The following HS6ST3 variants were observed in gnomAD, a reference collection of about 807,000 sequenced individuals.
HS6ST3 encodes heparan-sulfate 6-O-sulfotransferase 3.
Under a neutral mutation model 36.7 loss-of-function variants are expected in HS6ST3, and 12 were observed. That is an observed-to-expected ratio of 0.33 (90% CI 0.21 to 0.53). HS6ST3 has a LOEUF of 0.53. Ranked by LOEUF, HS6ST3 falls within the 20% of genes least tolerant of loss-of-function variation. The pLI, the probability that HS6ST3 is intolerant of heterozygous loss-of-function variation, is 0.95. For missense variants in HS6ST3, 584 were observed against 640.9 expected, an observed-to-expected ratio of 0.91 and a Z score of 0.96; for synonymous variants, 240 against 257.5, an observed-to-expected ratio of 0.93 and a Z score of 0.65.
intron 1 of HS6ST3, among the ~76,000 whole-genome samples, chr13:96,819,155 G>C (rs1344723308): frequency 6.6e-6 from 1 of 152,146 alleles, no homozygotes; most frequent in African/African-American, 2.4e-5. Flanking sequence ...TAGTTGATAA[G>C]GGAAAGTTTC....
At chr13:96,235,245 T>C (rs771623363) in intron 1 of HS6ST3, among the ~76,000 whole-genome samples, 2 of 152,192 alleles carry the variant, frequency 1.3e-5, no homozygotes, top group Non-Finnish European at 2.9e-5. Context: ...TTCATTATTA[T>C]TTATGATTGC....
At chr13:96,331,075 T>C (rs1352424281) in intron 1 of HS6ST3, among the ~76,000 whole-genome samples, 1 of 152,238 alleles carries the variant, frequency 6.6e-6, no homozygotes, top group Non-Finnish European at 1.5e-5. Flanking sequence ...ATTCTAGTTA[T>C]ACATTCTGTT....
At chr13:96,430,959 C>T in intron 1 of HS6ST3, among the ~76,000 whole-genome samples, 1 of 151,968 alleles carries the variant, frequency 6.6e-6, no homozygotes, top group South Asian at 2.1e-4. Context: ...TCTATAGGCC[C>T]AGGTACCCTG....
intron 1 of HS6ST3, among the ~76,000 whole-genome samples, chr13:96,778,212 A>G (rs1877439620): frequency 1.3e-5 from 2 of 152,372 alleles, no homozygotes; most frequent in Admixed American, 1.3e-4. Context: ...ACCTAAAACC[A>G]TAAAAACCCT....
chr13:96,242,352 G>A (rs1380705737), intron 1 of HS6ST3, among the ~76,000 whole-genome samples: 1 of 151,966 alleles, frequency 6.6e-6, no homozygotes, highest in African/African-American at 2.4e-5. Context: ...AGCCTCCTAG[G>A]TAGCTGGGAC....
At chr13:96,547,728 T>C (rs1473549479) in intron 1 of HS6ST3, among the ~76,000 whole-genome samples, 2 of 152,168 alleles carry the variant, frequency 1.3e-5, no homozygotes, top group Non-Finnish European at 2.9e-5. Context: ...ATAAGTTGTT[T>C]GGAGTTTGGC....
chr13:96,547,588 A>G (rs1409644991), intron 1 of HS6ST3, among the ~76,000 whole-genome samples: 1 of 152,204 alleles, frequency 6.6e-6, no homozygotes, highest in Admixed American at 6.5e-5. Context: ...TTACAAAGAA[A>G]GAGAGAGAGA....
chr13:96,444,012 T>G (rs1260348463), intron 1 of HS6ST3, among the ~76,000 whole-genome samples: 1 of 152,212 alleles, frequency 6.6e-6, no homozygotes, highest in African/African-American at 2.4e-5. Flanking sequence ...TAACCTTCAC[T>G]ATGAACTATT....
rs370320296 is a variant in HS6ST3, at chr13:96,227,963, TA to T, written c.707+136400del. Among the ~76,000 whole-genome samples the T allele has an allele frequency of 5.8e-3, 879 of 152,278 alleles. 6 individuals carry two copies. The highest frequency in any genetic ancestry group is 0.02 in the African/African-American group (835 of 41,556). ...TCTCTTTTTATCTCTACTTATTCAT[TA>T]AAAAATTCATGGGAATAGGAGAGGT... On this transcript the variant is annotated intron_variant, in intron 1 of 1. Transcript: ENST00000376705.
chr13:96,412,317 T>G (rs2055512135), intron 1 of HS6ST3, among the ~76,000 whole-genome samples: 2 of 152,120 alleles, frequency 1.3e-5, no homozygotes, highest in Admixed American at 1.3e-4. Context: ...CTGATATTTC[T>G]AAGAGGAGAA....
intron 1 of HS6ST3, among the ~76,000 whole-genome samples, chr13:96,632,524 A>G (rs1324011443): frequency 2.0e-5 from 3 of 152,134 alleles, no homozygotes; most frequent in Non-Finnish European, 2.9e-5. Flanking sequence ...GCTTTCTGCA[A>G]TTCGATCTTT....
intron 1 of HS6ST3, among the ~76,000 whole-genome samples, chr13:96,173,171 AAG>A (rs1460774382): frequency 5.3e-5 from 8 of 152,164 alleles, no homozygotes; most frequent in Non-Finnish European, 1.0e-4. Flanking sequence ...ATAAAAGAGA[AAG>A]AGAATGATAA....
intron 1 of HS6ST3, among the ~76,000 whole-genome samples, chr13:96,343,290 C>A (rs573866309): frequency 6.6e-6 from 1 of 152,344 alleles, no homozygotes; most frequent in Admixed American, 6.5e-5. Flanking sequence ...GGGCTAAAAT[C>A]AAGGTGTCAG....
intron 1 of HS6ST3, among the ~76,000 whole-genome samples, chr13:96,606,248 C>G (rs2056438274): frequency 6.6e-6 from 1 of 152,100 alleles, no homozygotes. Flanking sequence ...ATAAATAGCT[C>G]TACCAAAAAG....
chr13:96,705,134 C>A (rs1875385761), intron 1 of HS6ST3, among the ~76,000 whole-genome samples: 1 of 152,180 alleles, frequency 6.6e-6, no homozygotes, highest in African/African-American at 2.4e-5. Context: ...ATTGTTATCA[C>A]CCAAAGTCCA....
chr13:96,375,820 C>T (rs1026094245), intron 1 of HS6ST3, among the ~76,000 whole-genome samples: 17 of 152,236 alleles, frequency 1.1e-4, no homozygotes, highest in African/African-American at 3.1e-4. Flanking sequence ...ATTTTCTTTA[C>T]GAATATTGCT....
chr13:96,527,336 A>AT lies in HS6ST3; in HGVS notation c.708-305145dup, dbSNP rs61372590. Reference sequence around the variant, plus strand: ...ATAGCATATCAACAGTGTTTAAGGGATTTTTTTTTAAAGTAAGTTAATCTA... The same window carrying AT: ...ATAGCATATCAACAGTGTTTAAGGGATTTTTTTTTTAAAGTAAGTTAATCTA... On this transcript the variant is annotated intron_variant, in intron 1 of 1. Transcript: ENST00000376705. Among the ~76,000 whole-genome samples, 1,370 of 151,746 alleles carry AT rather than the reference A, an allele frequency of 9.0e-3. 101 individuals are homozygous for AT. In the East Asian group the frequency reaches 0.19, roughly 21 times the overall value.
chr13:96,379,319 C>T (rs1393969882), intron 1 of HS6ST3, among the ~76,000 whole-genome samples: 1 of 152,158 alleles, frequency 6.6e-6, no homozygotes, highest in African/African-American at 2.4e-5. Context: ...ATGATTAGGT[C>T]ATGAGGGCAG....
At chr13:96,379,295 G>A (rs1355983386) in intron 1 of HS6ST3, among the ~76,000 whole-genome samples, 2 of 152,202 alleles carry the variant, frequency 1.3e-5, no homozygotes, top group African/African-American at 2.4e-5. Context: ...ATTCAGAGGT[G>A]GGGCCTTTGG....
Sources: gnomAD v4.1 joint callset for allele counts (sites outside exome capture counted in the v4.1 genomes callset) on GRCh38, gnomAD v4.1.1 for gene constraint, MANE v1.5 for transcripts, NCBI Gene and HGNC (gene_info 2026-07-23, HGNC 2026-07-21) for gene names.